Variants in KHDRBS3 observed in about 807,000 individuals in gnomAD.
The protein encoded by KHDRBS3 is KH RNA binding domain containing, signal transduction associated 3.
Under a neutral mutation model 45.6 loss-of-function variants are expected in KHDRBS3, and 23 were observed. The observed-to-expected ratio is 0.50, with a 90% CI of 0.36 to 0.72. The LOEUF (loss-of-function observed/expected upper bound fraction) is 0.72, where lower values mean the gene tolerates loss of function less well. Ranked by LOEUF, KHDRBS3 falls within the 30% of genes least tolerant of loss-of-function variation. KHDRBS3 has a pLI of 0.00. For synonymous variants in KHDRBS3, 162 were observed against 156.5 expected (o/e 1.04, Z -0.26); for missense variants, 352 against 424.8 (o/e 0.83, Z 1.51).
intron 1 of KHDRBS3, chr8:135,458,406 TGAAGG>T: frequency 4.7e-6 from 1 of 214,706 alleles, no homozygotes; most frequent in South Asian, 7.2e-5. Flanking sequence ...GCAGAAGAGG[TGAAGG>T]GAACAGGTGC....
intron 1 of KHDRBS3, among the ~76,000 whole-genome samples, chr8:135,515,501 C>T (rs894116725): frequency 6.6e-6 from 1 of 150,588 alleles, no homozygotes; most frequent in Admixed American, 6.6e-5. Context: ...TTCCACCCTT[C>T]CTACTCTGCT....
chr8:135,482,847 G>A (rs895927440), intron 1 of KHDRBS3, among the ~76,000 whole-genome samples: 4 of 152,148 alleles, frequency 2.6e-5, no homozygotes, highest in African/African-American at 7.2e-5. Context: ...GTGTATGAAG[G>A]TCAGTGGCAG....
chr8:135,643,590 G>T (rs973504085), intron 7 of KHDRBS3, among the ~76,000 whole-genome samples: 1 of 152,216 alleles, frequency 6.6e-6, no homozygotes, highest in Non-Finnish European at 1.5e-5. Context: ...AAGGAACATA[G>T]CTCCATTGCT....
Position 135,556,383 on chromosome 8 carries a change from C to T in KHDRBS3, c.472-1065C>T, listed in dbSNP as rs556923422. On this transcript the variant is annotated intron_variant, in intron 4 of 8. Transcript: ENST00000355849. ...AAAAGCATTCCTATTTTTCCACATC[C>T]TCTCCAGCATCTGTTGTTTCCTGAC... Among the ~76,000 whole-genome samples the T allele has an allele frequency of 4.1e-4, 63 of 152,330 alleles. 1 individual carries two copies. The highest frequency in any genetic ancestry group is 1.5e-3 in the Admixed American group (23 of 15,300).
At chr8:135,597,083 G>A (rs371331229) in intron 6 of KHDRBS3, among the ~76,000 whole-genome samples, 2 of 152,160 alleles carry the variant, frequency 1.3e-5, no homozygotes, top group East Asian at 3.8e-4. Context: ...TAAAAGAAAT[G>A]TATTCTCACA....
chr8:135,465,905 G>T (rs1360791137), intron 1 of KHDRBS3, among the ~76,000 whole-genome samples: 2 of 152,062 alleles, frequency 1.3e-5, no homozygotes, highest in Non-Finnish European at 2.9e-5. Flanking sequence ...TTACACTTGG[G>T]GTCACTGTTG....
chr8:135,573,706 C>A (rs1215723717), intron 5 of KHDRBS3, among the ~76,000 whole-genome samples: 2 of 151,906 alleles, frequency 1.3e-5, no homozygotes, highest in African/African-American at 2.4e-5. Flanking sequence ...TTCTGAGTGA[C>A]TGTTTTTTTG....
chr8:135,460,676 A>AT, intron 1 of KHDRBS3, among the ~76,000 whole-genome samples: 1 of 152,186 alleles, frequency 6.6e-6, no homozygotes, highest in Non-Finnish European at 1.5e-5. Flanking sequence ...GTTTATCCTG[A>AT]TTTTTACAGA....
intron 6 of KHDRBS3, among the ~76,000 whole-genome samples, chr8:135,592,255 T>G (rs1006202000): frequency 8.6e-5 from 13 of 151,854 alleles, no homozygotes; most frequent in African/African-American, 2.9e-4. Flanking sequence ...TGGTTTTTGG[T>G]TTTTTTTCTT....
In KHDRBS3 at chr8:135,562,926, G is replaced by C. The variant is rs1296275461; in HGVS notation, c.611+5339G>C. 3.3e-5 allele frequency among the ~76,000 whole-genome samples: 5 copies of C among 152,238 alleles called. No homozygotes were observed. In the East Asian group the frequency reaches 9.7e-4, roughly 29 times the overall value. On this transcript the variant is annotated intron_variant, in intron 5 of 8. Coordinates refer to ENST00000355849, the MANE Select transcript of KHDRBS3 (RefSeq NM_006558.3). The stretch of plus-strand genomic sequence containing the variant: ...CCATAAATTGGCCTTCATATGATGT[G>C]ATAATATCTTCAATGGCATTCTTGT...
At chr8:135,617,786 C>T (rs1001533816) in intron 7 of KHDRBS3, among the ~76,000 whole-genome samples, 4 of 152,150 alleles carry the variant, frequency 2.6e-5, no homozygotes, top group Non-Finnish European at 5.9e-5. Flanking sequence ...TTTCTGAGAA[C>T]GTCTCCAGTC....
intron 7 of KHDRBS3, among the ~76,000 whole-genome samples, chr8:135,617,406 T>TAGCTG (rs1051209987): frequency 5.3e-5 from 8 of 151,982 alleles, no homozygotes; most frequent in African/African-American, 1.9e-4. Context: ...GCCTCCCAGG[T>TAGCTG]AGCTGGGACT....
intron 1 of KHDRBS3, among the ~76,000 whole-genome samples, chr8:135,503,386 C>T (rs1242197935): frequency 6.6e-6 from 1 of 152,018 alleles, no homozygotes; most frequent in Admixed American, 6.5e-5. Context: ...GAGAGCTAGC[C>T]AGGCTACAAA....
rs368650913 is a variant in KHDRBS3 at position 135,571,612 on chromosome 8, G to A, written c.612-10266G>A. On this transcript the variant is annotated intron_variant, in intron 5 of 8. Transcript: ENST00000355849. Reference sequence around the variant, plus strand: ...TACAAATGACCATGCAAGTAATTCCGCAGGGAGAGAGCGGATATGAACAAA... The same window carrying A: ...TACAAATGACCATGCAAGTAATTCCACAGGGAGAGAGCGGATATGAACAAA... Among the ~76,000 whole-genome samples the A allele has an allele frequency of 2.4e-4, 36 of 152,184 alleles. No individual in the cohort carries two copies. In the South Asian group the frequency reaches 2.7e-3, roughly 11 times the overall value.
At chr8:135,471,208 A>G (rs1470798437) in intron 1 of KHDRBS3, among the ~76,000 whole-genome samples, 3 of 152,224 alleles carry the variant, frequency 2.0e-5, no homozygotes, top group African/African-American at 4.8e-5. Flanking sequence ...TAAAAGGTCC[A>G]TGGCAGAAAG....
At chr8:135,497,205 T>A (rs1453596018) in intron 1 of KHDRBS3, among the ~76,000 whole-genome samples, 1 of 152,248 alleles carries the variant, frequency 6.6e-6, no homozygotes, top group Non-Finnish European at 1.5e-5. Flanking sequence ...CCCATTGGTA[T>A]CGTCCAGTTT....
intron 1 of KHDRBS3, among the ~76,000 whole-genome samples, chr8:135,516,031 C>T (rs1479282042): frequency 6.6e-6 from 1 of 152,204 alleles, no homozygotes; most frequent in Non-Finnish European, 1.5e-5. Context: ...GCTTGCTGTA[C>T]ACATAGGCTA....
At chr8:135,596,234 G>A (rs1041137348) in intron 6 of KHDRBS3, among the ~76,000 whole-genome samples, 4 of 152,116 alleles carry the variant, frequency 2.6e-5, no homozygotes, top group Non-Finnish European at 5.9e-5. Context: ...TTCATTCTCT[G>A]GTGGAACCCT....
chr8:135,550,241 A>G lies in KHDRBS3; in HGVS notation c.471+1341A>G, dbSNP rs143445207. Reference sequence around the variant, plus strand: ...CTGCAGTAGCACCATTTATCCCATGACCCTTACGATCCTTCCCCAGAGGTA... The same window carrying G: ...CTGCAGTAGCACCATTTATCCCATGGCCCTTACGATCCTTCCCCAGAGGTA... On this transcript the variant is annotated intron_variant, in intron 4 of 8. Transcript: ENST00000355849. Among the ~76,000 whole-genome samples, 483 of 152,214 alleles carry G rather than the reference A, an allele frequency of 3.2e-3. 7 individuals are homozygous for G. The highest frequency in any genetic ancestry group is 0.011 in the African/African-American group (451 of 41,542).
Sources: allele counts gnomAD v4.1 joint callset (sites outside exome capture counted in the v4.1 genomes callset), GRCh38; gene constraint gnomAD v4.1.1; transcripts MANE v1.5; gene names NCBI Gene and HGNC (gene_info 2026-07-23, HGNC 2026-07-21).